PPP1R21: variants seen among roughly 807,000 people sequenced by gnomAD.
PPP1R21 encodes the protein KLRAQ motif containing 1.
In PPP1R21, 85 loss-of-function variants were observed where a neutral mutation model predicts 112.8. That is an observed-to-expected ratio of 0.75 (90% CI 0.63 to 0.90). PPP1R21 has a LOEUF of 0.90. PPP1R21 is among the 40% of genes least tolerant of loss of function. PPP1R21 has a pLI of 0.00. For synonymous variants in PPP1R21, 381 were observed against 322.3 expected (o/e 1.18, Z -1.95); for missense variants, 1,199 against 901.5 (o/e 1.33, Z -4.23).
chr2:48,465,082 G>A, intron 8 of PPP1R21, 93 bp downstream of exon 8: 2 of 952,124 alleles, frequency 2.1e-6, no homozygotes, highest in Non-Finnish European at 1.6e-6. Context: ...TCTGTTTAGT[G>A]CATTCAGTCA....
intron 19 of PPP1R21, among the ~76,000 whole-genome samples, chr2:48,509,246 A>G (rs1276161246): frequency 6.6e-6 from 1 of 152,098 alleles, no homozygotes; most frequent in African/African-American, 2.4e-5. Flanking sequence ...AGGATGGTAA[A>G]GCTTTTATTG....
At chr2:48,452,913 TAG>T (rs961065296) in intron 2 of PPP1R21, among the ~76,000 whole-genome samples, 1 of 151,984 alleles carries the variant, frequency 6.6e-6, no homozygotes, top group Admixed American at 6.6e-5. Flanking sequence ...GTAATGTCAG[TAG>T]AGTGTAGACA....
In PPP1R21 at chr2:48,465,580, C is replaced by T; in HGVS notation, c.835C>T (p.Gln279Ter). 6.2e-7 allele frequency: 1 copy of T among 1,613,902 alleles called. No homozygotes were observed. The highest frequency in any genetic ancestry group is 8.5e-7 in the Non-Finnish European group (1 of 1,179,868). Residue 279 changes from glutamine (Q) to a stop codon, truncating the protein, a stop_gained, in exon 9 of 22, where the codon CAG becomes TAG. Coordinates refer to ENST00000294952, the MANE Select transcript of PPP1R21 (RefSeq NM_001135629.3). LOFTEE classifies it high-confidence loss of function. ...ALLNFHTYTE[Q>*]RIQIFPVDSA... ...TCTAAACTTTCATACCTACACAGAA[C>T]AGAGGATTCAAATTTTTCCTGTTGA...
intron 17 of PPP1R21, among the ~76,000 whole-genome samples, chr2:48,501,487 G>C (rs949673116): frequency 1.3e-5 from 2 of 152,200 alleles, no homozygotes; most frequent in African/African-American, 4.8e-5. Flanking sequence ...TGTAGGTACT[G>C]TCATAACTCC....
At chr2:48,448,517 A>C (rs1030101425) in intron 1 of PPP1R21, among the ~76,000 whole-genome samples, 1 of 146,674 alleles carries the variant, frequency 6.8e-6, no homozygotes, top group Non-Finnish European at 1.5e-5. Context: ...AGTCGTTAGG[A>C]GCTTCTAAAT....
intron 12 of PPP1R21, among the ~76,000 whole-genome samples, chr2:48,478,943 G>A (rs1668880719): frequency 6.6e-6 from 1 of 152,178 alleles, no homozygotes; most frequent in African/African-American, 2.4e-5. Context: ...CTATGGGCTA[G>A]GGACAGTGGT....
chr2:48,513,867 T>G (rs1477946892), intron 21 of PPP1R21, among the ~76,000 whole-genome samples: 1 of 152,080 alleles, frequency 6.6e-6, no homozygotes, highest in Non-Finnish European at 1.5e-5. Flanking sequence ...AGAATAAAAA[T>G]TATACAAAAC....
intron 21 of PPP1R21, among the ~76,000 whole-genome samples, chr2:48,513,059 A>AT (rs1002635275): frequency 5.3e-5 from 8 of 152,164 alleles, no homozygotes; most frequent in African/African-American, 1.9e-4. Context: ...AGTAGCAATA[A>AT]TTTTTGAAAA....
intron 9 of PPP1R21, among the ~76,000 whole-genome samples, chr2:48,466,867 G>A (rs148139982): frequency 6.6e-6 from 1 of 152,174 alleles, no homozygotes; most frequent in East Asian, 1.9e-4. Context: ...GGAAAGGAAG[G>A]TTGAAAGAGA....
intron 7 of PPP1R21, among the ~76,000 whole-genome samples, chr2:48,463,887 A>G (rs1421201117): frequency 6.6e-6 from 1 of 151,938 alleles, no homozygotes; most frequent in African/African-American, 2.4e-5. Flanking sequence ...TGGAGTAGGG[A>G]GAGGCCATCC....
chr2:48,461,074 A>T, intron 6 of PPP1R21, 64 bp from the exon 7 acceptor site: 1 of 1,529,674 alleles, frequency 6.5e-7, no homozygotes, highest in Non-Finnish European at 8.7e-7. Flanking sequence ...TGAGGTAACA[A>T]ATAAATGAGG....
intron 18 of PPP1R21, 165 bp from the exon 19 acceptor site, chr2:48,507,104 C>G: frequency 1.0e-6 from 1 of 970,154 alleles, no homozygotes; most frequent in Non-Finnish European, 1.4e-6. Context: ...GGAATATACA[C>G]TTCCCTGCTA....
intron 15 of PPP1R21, among the ~76,000 whole-genome samples, chr2:48,494,218 C>G (rs1409293095): frequency 9.2e-6 from 1 of 108,426 alleles, no homozygotes; most frequent in Non-Finnish European, 1.7e-5. Flanking sequence ...CAGCCCAGGG[C>G]GACAAAGTGA....
intron 14 of PPP1R21, among the ~76,000 whole-genome samples, chr2:48,488,878 G>A (rs969172432): frequency 6.6e-6 from 1 of 152,046 alleles, no homozygotes; most frequent in Non-Finnish European, 1.5e-5. Context: ...AAGAAAGTTT[G>A]GAAAATGTAG....
intron 12 of PPP1R21, among the ~76,000 whole-genome samples, chr2:48,478,919 C>A (rs115142536): frequency 0.016 from 2,484 of 152,330 alleles, 59 homozygotes; most frequent in African/African-American, 0.054. Context: ...TTGCTTATCT[C>A]CTGGGCTAAA....
In PPP1R21 at chr2:48,481,942, A is replaced by T. The variant is rs541612067; in HGVS notation, c.1318+1926A>T. Among the ~76,000 whole-genome samples, 26 of 152,316 alleles carry T rather than the reference A, an allele frequency of 1.7e-4. No individual in the cohort carries two copies. The East Asian group carries it at 4.8e-3, about 28-fold the overall frequency. On this transcript the variant is annotated intron_variant, in intron 13 of 21. Coordinates refer to ENST00000294952, the MANE Select transcript of PPP1R21 (RefSeq NM_001135629.3). ...ATTATTAAAAGTATCGTACAAAATT[A>T]CCTTCAGGCTATATGTATAAGGTAT... is the stretch of plus-strand genomic sequence containing the variant.
chr2:48,443,303 G>C (rs2103723001), intron 1 of PPP1R21, among the ~76,000 whole-genome samples: 1 of 152,328 alleles, frequency 6.6e-6, no homozygotes, highest in East Asian at 1.9e-4. Flanking sequence ...CGTTCAGAGT[G>C]AAGGGCTATA....
In PPP1R21 at chr2:48,500,157, G is replaced by T. The variant is rs574991253; in HGVS notation, c.1935+1422G>T. Reference sequence around the variant, plus strand: ...CTTTAGGCCCTATTGCATCTAAACAGTGTCAGAACCTCAGATGATTGTGAA... The same window carrying T: ...CTTTAGGCCCTATTGCATCTAAACATTGTCAGAACCTCAGATGATTGTGAA... On this transcript the variant is annotated intron_variant, in intron 17 of 21. Transcript: ENST00000294952. Among the ~76,000 whole-genome samples, 12 of 152,228 alleles carry T rather than the reference G, an allele frequency of 7.9e-5. No individual in the cohort carries two copies. The South Asian group carries it at 2.3e-3, about 29-fold the overall frequency.
Position 48,500,877 on chromosome 2 carries a change from C to G in PPP1R21, c.1935+2142C>G, listed in dbSNP as rs140505373. On this transcript the variant is annotated intron_variant, in intron 17 of 21. Transcript: ENST00000294952. Reference sequence around the variant, plus strand: ...TGAGCTGAGATCATGCCACTGCACTCCAGCCTGGGCAACAGAGCCAGACTC... The same window carrying G: ...TGAGCTGAGATCATGCCACTGCACTGCAGCCTGGGCAACAGAGCCAGACTC... Among the ~76,000 whole-genome samples, 472 of 152,210 alleles carry G rather than the reference C, an allele frequency of 3.1e-3. 1 individual carries two copies. The highest frequency in any genetic ancestry group is 0.011 in the African/African-American group (450 of 41,536).
Sources: allele counts gnomAD v4.1 joint callset (sites outside exome capture counted in the v4.1 genomes callset), GRCh38; gene constraint gnomAD v4.1.1; transcripts MANE v1.5; gene names NCBI Gene and HGNC (gene_info 2026-07-23, HGNC 2026-07-21).